The following FLI1 variants were observed in gnomAD, a reference collection of about 807,000 sequenced individuals.
The protein encoded by FLI1 is Friend leukemia integration 1 transcription factor.
FLI1 carries 13 observed loss-of-function variants against 53.1 expected under a neutral mutation model. That is an observed-to-expected ratio of 0.24 (90% CI 0.16 to 0.39). FLI1 has a LOEUF of 0.39. FLI1 is among the 10% of genes least tolerant of loss of function. FLI1 has a pLI of 1.00. For missense variants in FLI1, 424 were observed against 600.5 expected (o/e 0.71, Z 3.07); for synonymous variants, 244 against 236.7 (o/e 1.03, Z -0.28).
intron 2 of FLI1, among the ~76,000 whole-genome samples, chr11:128,763,310 C>T (rs1440609998): frequency 6.6e-6 from 1 of 152,290 alleles, no homozygotes; most frequent in South Asian, 2.1e-4. Context: ...TGCTCTCTTT[C>T]TTCATATCTT....
chr11:128,754,970 C>T (rs548077536), intron 1 of FLI1, among the ~76,000 whole-genome samples: 1 of 152,300 alleles, frequency 6.6e-6, no homozygotes, highest in African/African-American at 2.4e-5. Context: ...TACACCTACA[C>T]TCTATCTCAT....
At chr11:128,767,003 G>A (rs1395988312) in intron 2 of FLI1, among the ~76,000 whole-genome samples, 4 of 136,410 alleles carry the variant, frequency 2.9e-5, no homozygotes, top group Non-Finnish European at 6.8e-5. Context: ...TGGAGTGGCT[G>A]AGCAGCGGGC....
At chr11:128,809,969 C>A (rs1224261114) in intron 8 of FLI1, among the ~76,000 whole-genome samples, 2 of 152,180 alleles carry the variant, frequency 1.3e-5, no homozygotes, top group African/African-American at 4.8e-5. Context: ...TCCTGTCCAT[C>A]CAAAAGCTAA....
intron 5 of FLI1, among the ~76,000 whole-genome samples, chr11:128,793,142 G>A (rs890428330): frequency 6.6e-6 from 1 of 151,712 alleles, no homozygotes; most frequent in Non-Finnish European, 1.5e-5. Context: ...AATAAGAGTG[G>A]GGGTGGATAA....
At chr11:128,805,665 G>T in intron 6 of FLI1, 1 of 479,302 alleles carries the variant, frequency 2.1e-6, no homozygotes, top group Non-Finnish European at 3.7e-6. Flanking sequence ...TTTAGAACAT[G>T]GGAAATTTGA....
intron 1 of FLI1, among the ~76,000 whole-genome samples, chr11:128,734,377 G>C (rs1939831392): frequency 6.6e-6 from 1 of 152,238 alleles, no homozygotes; most frequent in Non-Finnish European, 1.5e-5. Context: ...TGCGTGTGCA[G>C]AGACCAAGAT....
chr11:128,750,619 A>T (rs551063232), intron 1 of FLI1, among the ~76,000 whole-genome samples: 1 of 152,186 alleles, frequency 6.6e-6, no homozygotes, highest in African/African-American at 2.4e-5. Flanking sequence ...AGGCTTTTCC[A>T]TCTCGGCCTT....
At position 128,810,742 on chromosome 11, in the gene FLI1, A is replaced by G. The variant is rs1290029672; in HGVS notation, c.1113A>G (p.Pro371=). 1.9e-6 allele frequency: 3 copies of G among 1,613,984 alleles called. No homozygotes were observed. In the African/African-American group the frequency reaches 4.0e-5, roughly 22 times the overall value. ...DFHGIAQALQ[P]HPTESSMYKY... is the part of the protein sequence containing the mutation. Reference sequence around the variant, plus strand: ...ACGGCATTGCCCAGGCTCTGCAGCCACATCCGACCGAGTCGTCCATGTACA... The same window carrying G: ...ACGGCATTGCCCAGGCTCTGCAGCCGCATCCGACCGAGTCGTCCATGTACA... The change falls in exon 9 of 9, where the codon CCA becomes CCG. Residue 371 remains proline, a synonymous_variant. Coordinates refer to ENST00000527786, the MANE Select transcript of FLI1 (RefSeq NM_002017.5). This position sits in a 1 kb window ranked among gnomAD's most constrained non-coding sequence, Gnocchi z 6.6.
chr11:128,748,757 T>C (rs1940523282), intron 1 of FLI1, among the ~76,000 whole-genome samples: 1 of 151,178 alleles, frequency 6.6e-6, no homozygotes, highest in African/African-American at 2.4e-5. Context: ...AGGGGAGGAG[T>C]AGAAGCTTTG....
At chr11:128,776,288 C>G (rs933907678) in intron 4 of FLI1, among the ~76,000 whole-genome samples, 1 of 152,102 alleles carries the variant, frequency 6.6e-6, no homozygotes, top group Non-Finnish European at 1.5e-5. Flanking sequence ...CCACCCCTCC[C>G]CCCCACCACC....
At chr11:128,706,795 A>G (rs1310800831) in intron 1 of FLI1, among the ~76,000 whole-genome samples, 3 of 152,214 alleles carry the variant, frequency 2.0e-5, no homozygotes, top group Non-Finnish European at 4.4e-5. Flanking sequence ...GTAAGTGAGT[A>G]ATCATGTAGC....
At chr11:128,763,818 G>A (rs538929075) in intron 2 of FLI1, among the ~76,000 whole-genome samples, 6 of 152,364 alleles carry the variant, frequency 3.9e-5, no homozygotes, top group African/African-American at 1.4e-4. Flanking sequence ...AAAACAGCTA[G>A]TGGATTAGGG....
intron 5 of FLI1, among the ~76,000 whole-genome samples, chr11:128,795,982 A>G (rs934238839): frequency 6.6e-6 from 1 of 152,186 alleles, no homozygotes; most frequent in African/African-American, 2.4e-5. Context: ...CCTGCCAAGT[A>G]TCTACCTTTT....
At chr11:128,758,045 C>G (rs1169315513) in intron 1 of FLI1, 70 bp from the exon 2 acceptor site, 1 of 1,423,446 alleles carries the variant, frequency 7.0e-7, no homozygotes, top group Non-Finnish European at 9.6e-7. Flanking sequence ...CTTGCCAGCT[C>G]AAAGCAAGAG....
intron 5 of FLI1, among the ~76,000 whole-genome samples, chr11:128,789,576 CG>C (rs1942203197): frequency 6.6e-6 from 1 of 152,202 alleles, no homozygotes; most frequent in Non-Finnish European, 1.5e-5. Context: ...CTTATTTCTC[CG>C]GGCGAAGAGT....
At chr11:128,802,997 C>A (rs1365062308) in intron 5 of FLI1, among the ~76,000 whole-genome samples, 2 of 152,196 alleles carry the variant, frequency 1.3e-5, no homozygotes, top group African/African-American at 4.8e-5. Context: ...TACCAGATAG[C>A]TTTCAGAGAG....
intron 1 of FLI1, among the ~76,000 whole-genome samples, chr11:128,714,324 G>C (rs1938917686): frequency 6.6e-6 from 1 of 152,084 alleles, no homozygotes; most frequent in South Asian, 2.1e-4. Flanking sequence ...GCCTTCTCAT[G>C]CTGCAGTTTC....
chr11:128,750,636 A>G (rs1940604228), intron 1 of FLI1, among the ~76,000 whole-genome samples: 1 of 152,136 alleles, frequency 6.6e-6, no homozygotes, highest in Non-Finnish European at 1.5e-5. Flanking sequence ...CCTTAGCTAG[A>G]CTGTTTGAAG....
intron 1 of FLI1, among the ~76,000 whole-genome samples, chr11:128,720,353 A>G (rs909198449): frequency 5.3e-5 from 8 of 152,214 alleles, no homozygotes; most frequent in African/African-American, 1.9e-4. Context: ...CTGGGATGGC[A>G]TTTTGTAACA....
Sources: allele counts gnomAD v4.1 joint callset (sites outside exome capture counted in the v4.1 genomes callset), GRCh38; gene constraint gnomAD v4.1.1; non-coding constraint Gnocchi (gnomAD v3.1); transcripts MANE v1.5; gene names NCBI Gene and HGNC (gene_info 2026-07-23, HGNC 2026-07-21).